The following GPC5 variants were observed in gnomAD, a reference collection of about 807,000 sequenced individuals.
GPC5 encodes the protein glypican-5.
GPC5 carries 47 observed loss-of-function variants against 53.9 expected under a neutral mutation model. The ratio of observed to expected loss-of-function variants is 0.87; its 90% CI spans 0.69 to 1.11. GPC5 has a LOEUF of 1.11. GPC5 is among the 50% of genes most tolerant of loss of function. The pLI, the probability that GPC5 is intolerant of heterozygous loss-of-function variation, is 0.00. For missense variants in GPC5, 748 were observed against 713.1 expected, an observed-to-expected ratio of 1.05 and a Z score of -0.56; for synonymous variants, 286 against 263.3, an observed-to-expected ratio of 1.09 and a Z score of -0.84.
intron 7 of GPC5, among the ~76,000 whole-genome samples, chr13:92,524,081 G>C (rs924797099): frequency 6.6e-6 from 1 of 152,070 alleles, no homozygotes; most frequent in Non-Finnish European, 1.5e-5. Context: ...TTTATTAAAA[G>C]CAGACAATGA....
At chr13:91,872,769 G>C (rs1176110250) in intron 5 of GPC5, among the ~76,000 whole-genome samples, 1 of 152,018 alleles carries the variant, frequency 6.6e-6, no homozygotes, top group Admixed American at 6.6e-5. Context: ...TATATACATC[G>C]TGCTTTATCC....
chr13:92,850,765 A>G (rs898827620), intron 7 of GPC5, among the ~76,000 whole-genome samples: 1 of 152,194 alleles, frequency 6.6e-6, no homozygotes, highest in Admixed American at 6.5e-5. Flanking sequence ...ATACATCAGT[A>G]CTATGTAGGA....
At position 92,595,490 on chromosome 13, in the gene GPC5, C is replaced by T. The variant is rs147292179; in HGVS notation, c.1562-270792C>T. ...GAAGTCAAAAGATAGTATTTACGGC[C>T]GGGCGCGGTGGCTCACGCCTGTAAT... is the stretch of plus-strand genomic sequence containing the variant. On this transcript the variant is annotated intron_variant, in intron 7 of 7. Transcript: ENST00000377067. Among the ~76,000 whole-genome samples, 441 of 152,196 alleles carry T rather than the reference C, an allele frequency of 2.9e-3. 1 individual carries two copies. The highest frequency in any genetic ancestry group is 4.4e-3 in the Non-Finnish European group (302 of 68,008).
intron 7 of GPC5, among the ~76,000 whole-genome samples, chr13:92,302,164 G>A (rs530517605): frequency 6.6e-6 from 1 of 152,164 alleles, no homozygotes; most frequent in East Asian, 1.9e-4. Flanking sequence ...ACCCATTCCA[G>A]ATCTTGCAAG....
chr13:92,114,940 A>AG (rs2041588650), intron 6 of GPC5, among the ~76,000 whole-genome samples: 1 of 152,200 alleles, frequency 6.6e-6, no homozygotes, highest in African/African-American at 2.4e-5. Context: ...CTGAGAGAAG[A>AG]GGTCACATGG....
intron 5 of GPC5, among the ~76,000 whole-genome samples, chr13:91,904,182 G>T (rs549024453): frequency 1.3e-3 from 142 of 106,410 alleles, no homozygotes; most frequent in African/African-American, 5.1e-3. Context: ...TTGCTCTGTT[G>T]CCCAGGCTTG....
At chr13:92,824,806 G>T (rs961183744) in intron 7 of GPC5, among the ~76,000 whole-genome samples, 18 of 150,394 alleles carry the variant, frequency 1.2e-4, no homozygotes, top group Non-Finnish European at 2.2e-4. Flanking sequence ...CAATCTACAA[G>T]CCTCTGTCCA....
At chr13:92,037,198 TAC>T (rs150320129) in intron 6 of GPC5, among the ~76,000 whole-genome samples, 2 of 151,158 alleles carry the variant, frequency 1.3e-5, no homozygotes, top group African/African-American at 2.4e-5. Context: ...CACATGCTCA[TAC>T]ACACACACAC....
intron 7 of GPC5, among the ~76,000 whole-genome samples, chr13:92,228,523 C>A (rs1351085982): frequency 6.6e-6 from 1 of 151,676 alleles, no homozygotes; most frequent in Non-Finnish European, 1.5e-5. Context: ...TAAACATATC[C>A]CAAAAGTAAA....
intron 7 of GPC5, among the ~76,000 whole-genome samples, chr13:92,674,777 T>C (rs1163627419): frequency 3.9e-5 from 6 of 152,152 alleles, no homozygotes; most frequent in African/African-American, 1.4e-4. Flanking sequence ...AAGGGCTTTT[T>C]CACAACCTCA....
intron 7 of GPC5, among the ~76,000 whole-genome samples, chr13:92,203,616 A>T (rs1226681212): frequency 6.9e-6 from 1 of 144,904 alleles, no homozygotes; most frequent in African/African-American, 2.5e-5. Flanking sequence ...GTGCACATGT[A>T]CCCTAAAACT....
At chr13:92,176,728 T>A (rs1593963782) in intron 7 of GPC5, among the ~76,000 whole-genome samples, 1 of 152,156 alleles carries the variant, frequency 6.6e-6, no homozygotes, top group South Asian at 2.1e-4. Flanking sequence ...CTAGGCCCAG[T>A]GGTTCCTCAC....
chr13:91,485,375 G>A (rs1032910370), intron 2 of GPC5, among the ~76,000 whole-genome samples: 4 of 152,052 alleles, frequency 2.6e-5, no homozygotes, highest in Non-Finnish European at 5.9e-5. Flanking sequence ...ACCATGCCCA[G>A]CTAATTTTTT....
intron 7 of GPC5, among the ~76,000 whole-genome samples, chr13:92,445,156 TTTCCTTTC>T (rs1877746108): frequency 6.6e-6 from 1 of 151,762 alleles, no homozygotes; most frequent in African/African-American, 2.4e-5. Flanking sequence ...CTTCCTCTCT[TTTCCTTTC>T]TTCCTTTCTC....
At chr13:91,862,541 C>T (rs921266750) in intron 5 of GPC5, among the ~76,000 whole-genome samples, 3 of 152,084 alleles carry the variant, frequency 2.0e-5, no homozygotes, top group African/African-American at 7.2e-5. Flanking sequence ...ATGTCAAAAG[C>T]GGTAGTGCCA....
At chr13:91,522,526 T>C (rs762643508) in intron 2 of GPC5, among the ~76,000 whole-genome samples, 1 of 152,352 alleles carries the variant, frequency 6.6e-6, no homozygotes, top group Non-Finnish European at 1.5e-5. Context: ...TACTGAATTT[T>C]TAAAAATTAT....
chr13:92,425,402 T>C (rs1876787164), intron 7 of GPC5, among the ~76,000 whole-genome samples: 1 of 152,080 alleles, frequency 6.6e-6, no homozygotes, highest in Admixed American at 6.6e-5. Context: ...CATTTATTGA[T>C]TGGTTTCTAC....
At chr13:92,483,787 T>TC (rs1387842496) in intron 7 of GPC5, among the ~76,000 whole-genome samples, 1 of 150,638 alleles carries the variant, frequency 6.6e-6, no homozygotes, top group Non-Finnish European at 1.5e-5. Flanking sequence ...TTATCTAGTT[T>TC]CTTTTTTTTT....
At chr13:92,515,040 T>C (rs1319937746) in intron 7 of GPC5, among the ~76,000 whole-genome samples, 3 of 152,046 alleles carry the variant, frequency 2.0e-5, no homozygotes, top group African/African-American at 7.2e-5. Context: ...TAGAGAAAAC[T>C]GAAGAACCTG....
Sources: allele counts gnomAD v4.1 joint callset (sites outside exome capture counted in the v4.1 genomes callset), GRCh38; gene constraint gnomAD v4.1.1; transcripts MANE v1.5; gene names NCBI Gene and HGNC (gene_info 2026-07-23, HGNC 2026-07-21).